The following TP53BP2 variants were observed in gnomAD, a reference collection of about 807,000 sequenced individuals.
TP53BP2 encodes the protein apoptosis-stimulating of p53 protein 2.
TP53BP2 carries 62 observed loss-of-function variants against 126.2 expected under a neutral mutation model. The observed-to-expected ratio is 0.49, with a 90% CI of 0.40 to 0.61. The LOEUF (loss-of-function observed/expected upper bound fraction) is 0.61. Ranked by LOEUF, TP53BP2 falls within the 20% of genes least tolerant of loss-of-function variation. TP53BP2 has a pLI of 0.00. For synonymous variants in TP53BP2, 485 were observed against 502.9 expected, an observed-to-expected ratio of 0.96 and a Z score of 0.48; for missense variants, 1,215 against 1,402.8, an observed-to-expected ratio of 0.87 and a Z score of 2.14.
chr1:223,814,192 C>A (rs755078256), intron 3 of TP53BP2, 48 bp downstream of exon 3: 46 of 1,441,806 alleles, frequency 3.2e-5, no homozygotes, highest in Non-Finnish European at 4.4e-5. Flanking sequence ...ACTCCCAGCA[C>A]AAAATAAAAG....
intron 14 of TP53BP2, 149 bp downstream of exon 14, chr1:223,793,154 A>T: frequency 1.5e-6 from 1 of 683,432 alleles, no homozygotes; most frequent in South Asian, 4.1e-5. Flanking sequence ...AAACAATTTT[A>T]AAATACAATT....
intron 4 of TP53BP2, among the ~76,000 whole-genome samples, chr1:223,807,300 T>C (rs1480905754): frequency 6.6e-6 from 1 of 152,186 alleles, no homozygotes; most frequent in Non-Finnish European, 1.5e-5. Flanking sequence ...AAACATGGTA[T>C]TGAGGCACTG....
At chr1:223,817,882 T>C (rs1663144045) in intron 2 of TP53BP2, among the ~76,000 whole-genome samples, 1 of 146,924 alleles carries the variant, frequency 6.8e-6, no homozygotes, top group Admixed American at 6.9e-5. Flanking sequence ...GCCGAGATGG[T>C]GCCACTGCAC....
At chr1:223,782,760 G>GT (rs919853301) in intron 17 of TP53BP2, among the ~76,000 whole-genome samples, 19 of 152,122 alleles carry the variant, frequency 1.2e-4, no homozygotes, top group African/African-American at 3.4e-4. Flanking sequence ...GCCCCTGAAA[G>GT]TTTTTTTTAA....
intron 2 of TP53BP2, among the ~76,000 whole-genome samples, chr1:223,815,093 T>C (rs1663041901): frequency 6.6e-6 from 1 of 152,250 alleles, no homozygotes; most frequent in Admixed American, 6.5e-5. Context: ...AGGCAATTGC[T>C]TAAAATCAAT....
chr1:223,790,812 C>T (rs986354578), intron 15 of TP53BP2, among the ~76,000 whole-genome samples: 1 of 151,882 alleles, frequency 6.6e-6, no homozygotes, highest in Non-Finnish European at 1.5e-5. Flanking sequence ...CTCTCTGTTG[C>T]CCAGGCTGAT....
chr1:223,789,185 A>G lies in TP53BP2; in HGVS notation c.2997-11T>C. ...CAATGTAATGGAGTCCTGTGAAGCAAGATACGAGGGCTAGAACTGTTTTCC... is the reference window on the plus strand; with the variant it reads ...CAATGTAATGGAGTCCTGTGAAGCAGGATACGAGGGCTAGAACTGTTTTCC... On this transcript the variant is annotated splice_polypyrimidine_tract_variant and intron_variant, in intron 15 of 17. Transcript: ENST00000343537. 6.2e-7 allele frequency: 1 copy of G among 1,614,028 alleles called. No homozygotes were observed. Among genetic ancestry groups the G allele is most frequent in the South Asian group, 1.1e-5 (1 of 91,046 alleles).
chr1:223,834,493 T>C (rs1297490930), intron 1 of TP53BP2, among the ~76,000 whole-genome samples: 2 of 152,180 alleles, frequency 1.3e-5, no homozygotes, highest in Non-Finnish European at 2.9e-5. Flanking sequence ...GTAGTATATA[T>C]TAATTATAAT....
chr1:223,798,489 T>C lies in TP53BP2; in HGVS notation c.1674A>G (p.Arg558=). ...TKPKPAGQQP[R]VLLSPSIPSV... ...AAGGTATGCTGGGAGATAGCAGCAC[T>C]CTCGGCTGCTGCCCTGCTGGTTTTG... Residue 558 remains arginine (R), a synonymous_variant, in exon 12 of 18, where the codon AGA becomes AGG. Transcript: ENST00000343537. The C allele has an allele frequency of 6.2e-7, 1 of 1,614,178 alleles. No homozygotes were observed. Among genetic ancestry groups the C allele is most frequent in the Non-Finnish European group, 8.5e-7 (1 of 1,180,028 alleles).
In TP53BP2 at chr1:223,784,257, T is replaced by A. The variant is rs750813536; in HGVS notation, c.3221A>T (p.Tyr1074Phe). ...NKGVIYALWD[Y>F]EPQNDDELPM... is the part of the protein sequence containing the mutation. ...CAGCTCATCATCATTCTGAGGTTCA[T>A]AATCCCAAAGCGCATAAATGACTCC... The change falls in exon 17 of 18, where the codon TAT (tyrosine) becomes TTT (phenylalanine). Residue 1074 changes from tyrosine to phenylalanine, a missense_variant. Physicochemically the swap from Tyr to Phe is conservative, Grantham distance 22. Coordinates refer to ENST00000343537, the MANE Select transcript of TP53BP2 (RefSeq NM_001031685.3). The A allele has an allele frequency of 6.2e-7, 1 of 1,614,200 alleles. No individual in the cohort carries two copies. The highest frequency in any genetic ancestry group is 8.5e-7 in the Non-Finnish European group (1 of 1,180,034).
chr1:223,814,208 A>T, intron 3 of TP53BP2, 32 bp downstream of exon 3: 1 of 1,510,078 alleles, frequency 6.6e-7, no homozygotes, highest in East Asian at 2.3e-5. Flanking sequence ...AAAAGCTTAA[A>T]TATCTGTCAC....
intron 2 of TP53BP2, among the ~76,000 whole-genome samples, chr1:223,819,873 A>G (rs1468913995): frequency 6.6e-6 from 1 of 152,236 alleles, no homozygotes; most frequent in African/African-American, 2.4e-5. Flanking sequence ...AGCTGGGGAT[A>G]CAGCAGTGAA....
intron 16 of TP53BP2, among the ~76,000 whole-genome samples, 189 bp from the exon 17 acceptor site, chr1:223,784,503 AACAT>A (rs1661883191): frequency 6.6e-6 from 1 of 152,168 alleles, no homozygotes; most frequent in Non-Finnish European, 1.5e-5. Context: ...GTGTATTGGG[AACAT>A]ACAAAGGACA....
In TP53BP2 at chr1:223,802,149, T is replaced by C; in HGVS notation, c.1192A>G (p.Asn398Asp). 1 of 1,614,188 alleles carries C rather than the reference T, an allele frequency of 6.2e-7. No homozygotes were observed. Among genetic ancestry groups the C allele is most frequent in the Non-Finnish European group, 8.5e-7 (1 of 1,180,010 alleles). The part of the protein sequence containing the change: ...EGPMKIQTLP[N>D]MRSGAASQTK... Reference sequence around the variant, plus strand: ...TGTGAAGCAGCCCCAGATCTCATGTTGGGCAGTGTCTGTATTTTCATCGGC... The same window carrying C: ...TGTGAAGCAGCCCCAGATCTCATGTCGGGCAGTGTCTGTATTTTCATCGGC... The change falls in exon 9 of 18, where the codon AAC becomes GAC. Residue 398 changes from asparagine (N) to aspartate (D), a missense_variant. Physicochemically the swap from Asn to Asp is conservative, Grantham distance 23. Around this residue, in one of 4 missense-constraint regions of TP53BP2, gnomAD observed 814 missense variants for 853.0 expected, o/e 0.95. Transcript: ENST00000343537.
rs768673161 is a variant in TP53BP2, at chr1:223,806,929, C to T, written c.391G>A (p.Asp131Asn). Residue 131 changes from aspartate to asparagine, a missense_variant, in exon 5 of 18, where the codon GAT (aspartate) becomes AAT (asparagine). By Grantham distance (23) the Asp-to-Asn change is conservative. This residue lies in a region of TP53BP2 where 814 missense variants were observed against 853.0 expected (regional missense o/e 0.95). Transcript: ENST00000343537. ...TCCTGAAGTTCAGCAAGAGTCAGATCCATCCTAGGACTATTAACCTACAAG... is the reference window on the plus strand; with the variant it reads ...TCCTGAAGTTCAGCAAGAGTCAGATTCATCCTAGGACTATTAACCTACAAG... ...KENGVNSPRM[D>N]LTLAELQEMA... is the part of the protein sequence containing the mutation. The T allele has an allele frequency of 1.2e-6, 2 of 1,613,858 alleles. No individual in the cohort carries two copies. The highest frequency in any genetic ancestry group is 1.7e-6 in the Non-Finnish European group (2 of 1,179,786).
chr1:223,808,540 CA>C (rs34273651), intron 4 of TP53BP2, among the ~76,000 whole-genome samples: 39,354 of 110,684 alleles, frequency 0.36, 7,730 homozygotes, highest in African/African-American at 0.64. Context: ...GACTCTGTAT[CA>C]AAAAAAAAAA....
At chr1:223,790,098 C>T (rs59196624) in intron 15 of TP53BP2, among the ~76,000 whole-genome samples, 17,174 of 151,262 alleles carry the variant, frequency 0.11, 1,222 homozygotes, top group East Asian at 0.21. Flanking sequence ...ATGGTAAAAC[C>T]CCAACTCTAC....
At chr1:223,799,816 C>G (rs1287493091) in intron 11 of TP53BP2, 83 bp downstream of exon 11, 6 of 1,275,376 alleles carry the variant, frequency 4.7e-6, no homozygotes, top group East Asian at 2.5e-5. Context: ...CTTCTGCTCT[C>G]CCTCACACAA....
intron 2 of TP53BP2, among the ~76,000 whole-genome samples, chr1:223,820,416 A>T (rs1049930600): frequency 6.6e-6 from 1 of 152,218 alleles, no homozygotes; most frequent in South Asian, 2.1e-4. Context: ...TCTTCATGTG[A>T]TTGTTCTAAT....
Sources: allele counts gnomAD v4.1 joint callset (sites outside exome capture counted in the v4.1 genomes callset), GRCh38; gene constraint gnomAD v4.1.1; regional missense constraint gnomAD v4.1.1; transcripts MANE v1.5; gene names NCBI Gene and HGNC (gene_info 2026-07-23, HGNC 2026-07-21).